Variants in CTTNBP2 observed in about 807,000 individuals in gnomAD.
CTTNBP2 encodes the protein cortactin-binding protein 2.
A neutral mutation model predicts 156.9 loss-of-function variants in CTTNBP2; 108 were observed. That is an observed-to-expected ratio of 0.69 (90% CI 0.59 to 0.81). The LOEUF (loss-of-function observed/expected upper bound fraction) is 0.81, where lower values mean the gene tolerates loss of function less well. Among genes scored for constraint, CTTNBP2 ranks in the 30% least tolerant of loss-of-function variants. The pLI is 0.00. For missense variants in CTTNBP2, 1,924 were observed against 2,035.4 expected, an observed-to-expected ratio of 0.95 and a Z score of 1.05; for synonymous variants, 767 against 751.8, an observed-to-expected ratio of 1.02 and a Z score of -0.33.
intron 22 of CTTNBP2, among the ~76,000 whole-genome samples, chr7:117,717,354 G>A (rs1033620258): frequency 4.0e-5 from 6 of 151,228 alleles, no homozygotes; most frequent in Non-Finnish European, 8.8e-5. Context: ...AGACCTTTAT[G>A]TTATCACTCA....
chr7:117,766,290 C>T (rs531562373), intron 9 of CTTNBP2, among the ~76,000 whole-genome samples: 6 of 152,196 alleles, frequency 3.9e-5, no homozygotes, highest in South Asian at 2.1e-4. Context: ...AAAACCCCCT[C>T]GGGTTTAAAG....
chr7:117,863,353 T>C (rs1260408806), intron 1 of CTTNBP2, among the ~76,000 whole-genome samples: 1 of 152,240 alleles, frequency 6.6e-6, no homozygotes, highest in Non-Finnish European at 1.5e-5. Flanking sequence ...CAGAGATTTC[T>C]TGCAGATGCT....
Position 117,791,282 on chromosome 7 carries a change from G to A in CTTNBP2, c.1914C>T (p.Ala638=), listed in dbSNP as rs1296093201. The A allele has an allele frequency of 2.5e-6, 4 of 1,614,146 alleles. No individual in the cohort carries two copies. Among genetic ancestry groups the A allele is most frequent in the Admixed American group, 1.7e-5 (1 of 60,020 alleles). Residue 638 remains alanine (A), a synonymous_variant, in exon 4 of 23, where the codon GCC becomes GCT. Transcript: ENST00000160373. ...VSALATSQVG[A]WPAATPGLNQ... The stretch of plus-strand genomic sequence containing the variant: ...TCAGTCCGGGGGTTGCAGCAGGCCA[G>A]GCACCCACCTGAGACGTGGCCAGGG...
chr7:117,720,140 G>A (rs916395769), intron 20 of CTTNBP2, among the ~76,000 whole-genome samples: 4 of 152,000 alleles, frequency 2.6e-5, no homozygotes, highest in Non-Finnish European at 5.9e-5. Context: ...ATCTAGCTGC[G>A]GTCCTGGCAG....
At chr7:117,737,777 A>G (rs1795787038) in intron 14 of CTTNBP2, among the ~76,000 whole-genome samples, 1 of 151,720 alleles carries the variant, frequency 6.6e-6, no homozygotes, top group Non-Finnish European at 1.5e-5. Context: ...GATGGGAGTA[A>G]CCATGTTGGT....
intron 4 of CTTNBP2, among the ~76,000 whole-genome samples, chr7:117,785,504 T>C (rs988671123): frequency 5.3e-5 from 8 of 152,182 alleles, no homozygotes; most frequent in African/African-American, 1.9e-4. Flanking sequence ...CATATATTCA[T>C]CCCTAAGGGC....
At chr7:117,721,196 A>G (rs527347117) in intron 19 of CTTNBP2, 66 bp from the exon 20 acceptor site, 1 of 969,908 alleles carries the variant, frequency 1.0e-6, no homozygotes, top group African/African-American at 1.6e-5. Flanking sequence ...CTGTATTTAA[A>G]AGAAACAGAC....
At chr7:117,761,993 G>C (rs1797241012) in intron 9 of CTTNBP2, among the ~76,000 whole-genome samples, 1 of 152,098 alleles carries the variant, frequency 6.6e-6, no homozygotes, top group Non-Finnish European at 1.5e-5. Flanking sequence ...CACAGTATCT[G>C]ACAAAAGTGA....
At position 117,806,763 on chromosome 7, in the gene CTTNBP2, T is replaced by G. The variant is rs1355436266; in HGVS notation, c.414+4002A>C. ...TTTCTCATTTTTTTTTTTTTTTTTT[T>G]TTTTTTTTATTTTGAGACAGAGTCT... On this transcript the variant is annotated intron_variant, in intron 3 of 22. Transcript: ENST00000160373. Among the ~76,000 whole-genome samples the G allele has an allele frequency of 1.6e-4, 24 of 149,062 alleles. 1 individual carries two copies. The highest frequency in any genetic ancestry group is 5.7e-4 in the African/African-American group (23 of 40,586).
intron 4 of CTTNBP2, among the ~76,000 whole-genome samples, chr7:117,790,903 G>T (rs987352647): frequency 6.6e-6 from 1 of 151,618 alleles, no homozygotes. Context: ...CTTAAATGAA[G>T]AAAGCACTTA....
intron 4 of CTTNBP2, among the ~76,000 whole-genome samples, chr7:117,790,154 C>T (rs1798911874): frequency 6.6e-6 from 1 of 152,148 alleles, no homozygotes; most frequent in Non-Finnish European, 1.5e-5. Flanking sequence ...GTAGGAGAGA[C>T]TTCTTCAAAG....
At chr7:117,789,058 A>G (rs1162697516) in intron 4 of CTTNBP2, among the ~76,000 whole-genome samples, 1 of 152,134 alleles carries the variant, frequency 6.6e-6, no homozygotes, top group Admixed American at 6.6e-5. Context: ...GAGGAGTTAT[A>G]GCTCTTTTAT....
intron 1 of CTTNBP2, among the ~76,000 whole-genome samples, chr7:117,864,647 T>TCTAGATGTATGAATATATATATTCATAC (rs1563077430): frequency 0.012 from 1,805 of 146,126 alleles, 14 homozygotes; most frequent in Non-Finnish European, 0.02. Flanking sequence ...TATATTCATA[T>TCTAGATGTATGAATATATATATTCATAC]ATCTAGATGT....
At chr7:117,761,822 C>G (rs1797233313) in intron 9 of CTTNBP2, among the ~76,000 whole-genome samples, 1 of 152,074 alleles carries the variant, frequency 6.6e-6, no homozygotes, top group Non-Finnish European at 1.5e-5. Flanking sequence ...TCTATCTAAA[C>G]TTTGGTAAAA....
intron 1 of CTTNBP2, among the ~76,000 whole-genome samples, chr7:117,862,191 C>G (rs1467701564): frequency 6.6e-6 from 1 of 151,788 alleles, no homozygotes; most frequent in Non-Finnish European, 1.5e-5. Flanking sequence ...ATCAAAGTGA[C>G]TTCTTATGAA....
At chr7:117,747,254 ATC>A in intron 12 of CTTNBP2, among the ~76,000 whole-genome samples, 1 of 152,272 alleles carries the variant, frequency 6.6e-6, no homozygotes, top group East Asian at 1.9e-4. Context: ...GTGTGTGTGT[ATC>A]TCTGTGTTGT....
Position 117,791,491 on chromosome 7 carries a change from T to C in CTTNBP2, c.1705A>G (p.Ser569Gly), listed in dbSNP as rs753255720. 6.2e-7 allele frequency: 1 copy of C among 1,614,226 alleles called. No individual in the cohort carries two copies. Among genetic ancestry groups the C allele is most frequent in the East Asian group, 2.2e-5 (1 of 44,882 alleles). The change falls in exon 4 of 23, where the codon AGC becomes GGC. Residue 569 changes from serine (S) to glycine (G), a missense_variant. Physicochemically the swap from Ser to Gly is moderately conservative, Grantham distance 56. Transcript: ENST00000160373. ...GCCCCTGTGTTCGAGGCCCTGCTGC[T>C]GTCTATAATAACCTTGAGTTGGGGG... ...PHPQLKVIID[S>G]SRASNTGAKV...
chr7:117,735,571 G>T, intron 14 of CTTNBP2, 150 bp from the exon 15 acceptor site: 1 of 654,144 alleles, frequency 1.5e-6, no homozygotes, highest in Non-Finnish European at 2.6e-6. Context: ...GAACAACTCT[G>T]GAAAACTGTT....
intron 3 of CTTNBP2, among the ~76,000 whole-genome samples, chr7:117,794,439 G>A (rs1327501224): frequency 1.3e-5 from 2 of 152,182 alleles, no homozygotes; most frequent in Non-Finnish European, 2.9e-5. Flanking sequence ...GTTTTCTCCT[G>A]TAGATGTTAA....
Sources: allele counts gnomAD v4.1 joint callset (sites outside exome capture counted in the v4.1 genomes callset), GRCh38; gene constraint gnomAD v4.1.1; transcripts MANE v1.5; gene names NCBI Gene and HGNC (gene_info 2026-07-23, HGNC 2026-07-21).